The following TFB1M variants were observed in gnomAD, a reference collection of about 807,000 sequenced individuals.
The protein encoded by TFB1M is transcription factor B1, mitochondrial.
A neutral mutation model predicts 31.1 loss-of-function variants in TFB1M; 27 were observed. The observed-to-expected ratio is 0.87, with a 90% CI of 0.64 to 1.20. TFB1M has a LOEUF of 1.20. Ranked by LOEUF, TFB1M falls within the 50% of genes most tolerant of loss-of-function variation. The pLI, the probability that TFB1M is intolerant of heterozygous loss-of-function variation, is 0.00. For synonymous variants in TFB1M, 166 were observed against 151.8 expected, an observed-to-expected ratio of 1.09 and a Z score of -0.69; for missense variants, 394 against 418.7, an observed-to-expected ratio of 0.94 and a Z score of 0.51.
the TFB1M span, among the ~76,000 whole-genome samples, chr6:155,235,274 T>C: frequency 1.3e-5 from 2 of 152,210 alleles, no homozygotes; most frequent in African/African-American, 2.4e-5. Flanking sequence ...TAGCAGTTAC[T>C]TGATGGAATA....
rs1339966010 is a variant in TFB1M, at chr6:155,257,362, C to T, written c.*474G>A. On this transcript the variant is annotated 3_prime_UTR_variant, in exon 7 of 7. Transcript: ENST00000367166. ...GTTTATATCCACTTTGAGCAGGTAT[C>T]AAATGATTTAGGATCCTTAAAATTA... 2.0e-6 allele frequency: 1 copy of T among 495,836 alleles called. No individual in the cohort carries two copies. Among genetic ancestry groups the T allele is most frequent in the East Asian group, 3.9e-5 (1 of 25,860 alleles). 30.7% of individuals were successfully genotyped at this position (495,836 alleles called of 1,614,324 possible).
chr6:155,237,309 G>A, the TFB1M span, among the ~76,000 whole-genome samples: 41 of 152,232 alleles, frequency 2.7e-4, no homozygotes, highest in African/African-American at 9.4e-4. Flanking sequence ...ATGGTCTTGG[G>A]TAGCTCTGTC....
the TFB1M span, among the ~76,000 whole-genome samples, chr6:155,235,425 C>T: frequency 6.6e-6 from 1 of 152,168 alleles, no homozygotes; most frequent in African/African-American, 2.4e-5. Flanking sequence ...TCAGGCCTAT[C>T]ACCATATATG....
At chr6:155,268,500 A>C (rs1393704040) in intron 5 of TFB1M, among the ~76,000 whole-genome samples, 2 of 152,192 alleles carry the variant, frequency 1.3e-5, no homozygotes, top group African/African-American at 4.8e-5. Flanking sequence ...TTATTTCCAA[A>C]ATACTCAGTT....
intron 4 of TFB1M, among the ~76,000 whole-genome samples, chr6:155,296,404 C>A (rs1441699718): frequency 1.3e-5 from 2 of 150,266 alleles, no homozygotes; most frequent in African/African-American, 4.9e-5. Context: ...GGATTACAGG[C>A]ACCCCCCACC....
At chr6:155,240,665 A>G in the TFB1M span, 1 of 1,613,672 alleles carries the variant, frequency 6.2e-7, no homozygotes, top group East Asian at 2.2e-5. Context: ...CCGCCTCCGC[A>G]AAGTCATCCA....
intron 2 of TFB1M, among the ~76,000 whole-genome samples, chr6:155,303,826 A>G (rs1448489722): frequency 6.6e-6 from 1 of 152,190 alleles, no homozygotes; most frequent in Non-Finnish European, 1.5e-5. Flanking sequence ...CCATCTTTGC[A>G]ATATCCACAG....
chr6:155,310,076 G>C (rs1777951563), intron 2 of TFB1M, among the ~76,000 whole-genome samples: 1 of 152,060 alleles, frequency 6.6e-6, no homozygotes, highest in Non-Finnish European at 1.5e-5. Context: ...AAAGTTCTAG[G>C]TTTTCAAAAA....
chr6:155,279,804 T>C (rs531400198), intron 5 of TFB1M, among the ~76,000 whole-genome samples: 1 of 152,316 alleles, frequency 6.6e-6, no homozygotes, highest in East Asian at 1.9e-4. Flanking sequence ...ATACTTACCA[T>C]TTATTCTTGA....
the TFB1M span, among the ~76,000 whole-genome samples, chr6:155,241,979 GTGT>G: frequency 2.0e-5 from 3 of 152,314 alleles, no homozygotes; most frequent in Admixed American, 6.5e-5. Context: ...TTTGGTAATA[GTGT>G]TGTTAGAATT....
At chr6:155,234,003 T>TGGG in the TFB1M span, among the ~76,000 whole-genome samples, 7 of 147,236 alleles carry the variant, frequency 4.8e-5, no homozygotes, top group Admixed American at 6.7e-5. Context: ...AAATTTTTTT[T>TGGG]GGGGGGGGGT....
Position 155,257,571 on chromosome 6 carries a change from A to AT in TFB1M, c.*264dup. On this transcript the variant is annotated 3_prime_UTR_variant, in exon 7 of 7. Coordinates refer to ENST00000367166, the MANE Select transcript of TFB1M (RefSeq NM_016020.4). The stretch of plus-strand genomic sequence containing the variant: ...TAGGGGCAAAATGTGCAGATACTTC[A>AT]TTTTTGTAAGATAGATTGTAATAGA... The AT allele has an allele frequency of 2.8e-6, 1 of 361,248 alleles. No homozygotes were observed. Among genetic ancestry groups the AT allele is most frequent in the Non-Finnish European group, 4.5e-6 (1 of 222,864 alleles). The allele number at this position is 361,248 out of a possible 1,614,324, so 22.4% of individuals were successfully genotyped here. A position where few individuals can be genotyped will look rare whatever the true frequency, so the allele number is the denominator to read the frequency against.
chr6:155,252,424 A>G (rs552145430), downstream of TFB1M, among the ~76,000 whole-genome samples: 1 of 152,202 alleles, frequency 6.6e-6, no homozygotes, highest in African/African-American at 2.4e-5. Context: ...AGCCTTGATC[A>G]TGCCACTGCA....
the TFB1M span, among the ~76,000 whole-genome samples, chr6:155,230,993 T>G: frequency 8.6e-6 from 1 of 116,012 alleles, no homozygotes; most frequent in African/African-American, 3.5e-5. Context: ...CCACCAAGCC[T>G]GGCTAATTTT....
At chr6:155,245,850 T>C in the TFB1M span, 3 of 614,188 alleles carry the variant, frequency 4.9e-6, no homozygotes, top group Non-Finnish European at 7.9e-6. Flanking sequence ...TTAAGGTCCA[T>C]CCTTGACCTT....
At chr6:155,290,552 T>G (rs1776870067) in intron 4 of TFB1M, among the ~76,000 whole-genome samples, 1 of 152,110 alleles carries the variant, frequency 6.6e-6, no homozygotes, top group South Asian at 2.1e-4. Context: ...CTTCTCAATA[T>G]TCATGCTAAA....
intron 4 of TFB1M, among the ~76,000 whole-genome samples, chr6:155,296,071 T>C (rs1370180709): frequency 6.6e-6 from 1 of 152,068 alleles, no homozygotes. Context: ...CCTTATACCT[T>C]TGCAGCTCAA....
At chr6:155,244,736 T>A in the TFB1M span, 1 of 1,614,100 alleles carries the variant, frequency 6.2e-7, no homozygotes, top group Non-Finnish European at 8.5e-7. Flanking sequence ...GGATGGGATT[T>A]CAGCATCATC....
At chr6:155,265,760 T>C (rs1784608444) in intron 5 of TFB1M, among the ~76,000 whole-genome samples, 1 of 145,264 alleles carries the variant, frequency 6.9e-6, no homozygotes, top group Non-Finnish European at 1.5e-5. Flanking sequence ...ATAATATATA[T>C]TTAATATATA....
Sources: allele counts gnomAD v4.1 joint callset (sites outside exome capture counted in the v4.1 genomes callset), GRCh38; gene constraint gnomAD v4.1.1; transcripts MANE v1.5; gene names NCBI Gene and HGNC (gene_info 2026-07-23, HGNC 2026-07-21).